The following DGKB variants were observed in gnomAD, a reference collection of about 807,000 sequenced individuals.
The protein encoded by DGKB is diacylglycerol kinase beta, also known as 90 kDa diacylglycerol kinase.
In DGKB, 67 loss-of-function variants were observed where a neutral mutation model predicts 114.3. The ratio of observed to expected loss-of-function variants is 0.59; its 90% CI spans 0.48 to 0.72. The LOEUF is 0.72. DGKB is among the 30% of genes least tolerant of loss of function. DGKB has a pLI of 0.00. For missense variants in DGKB, 907 were observed against 975.2 expected, an observed-to-expected ratio of 0.93 and a Z score of 0.93; for synonymous variants, 398 against 323.1, an observed-to-expected ratio of 1.23 and a Z score of -2.49.
At chr7:14,954,038 G>C (rs1562900693) in intron 1 of DGKB, among the ~76,000 whole-genome samples, 1 of 152,036 alleles carries the variant, frequency 6.6e-6, no homozygotes. Flanking sequence ...AGGTGATTTT[G>C]GTACCGGTCT....
chr7:14,883,175 T>C (rs1446529989), intron 1 of DGKB, among the ~76,000 whole-genome samples: 1 of 152,004 alleles, frequency 6.6e-6, no homozygotes, highest in Non-Finnish European at 1.5e-5. Context: ...TTTCTCCTCC[T>C]CCTTTGTTGT....
intron 1 of DGKB, among the ~76,000 whole-genome samples, chr7:14,943,987 A>T (rs765848406): frequency 3.9e-5 from 6 of 151,918 alleles, no homozygotes; most frequent in Non-Finnish European, 5.9e-5. Flanking sequence ...AAGTGTGTTC[A>T]TTACAGGCCA....
intron 21 of DGKB, among the ~76,000 whole-genome samples, chr7:14,454,597 T>C (rs1295781510): frequency 6.6e-6 from 1 of 152,114 alleles, no homozygotes; most frequent in East Asian, 1.9e-4. Context: ...AGAAATCATA[T>C]ATGATTGCTA....
intron 2 of DGKB, chr7:14,814,206 A>G (rs1021044193): frequency 6.6e-6 from 1 of 152,180 alleles, no homozygotes; most frequent in African/African-American, 2.4e-5. Context: ...GAGCTTCCAG[A>G]AAAAGTGTCT....
At chr7:14,628,153 A>G (rs1022434053) in intron 14 of DGKB, among the ~76,000 whole-genome samples, 1 of 152,056 alleles carries the variant, frequency 6.6e-6, no homozygotes, top group Non-Finnish European at 1.5e-5. Flanking sequence ...TTAGCCCTCA[A>G]TCTGTTTATG....
intron 23 of DGKB, among the ~76,000 whole-genome samples, chr7:14,213,946 A>G (rs920512439): frequency 4.6e-5 from 7 of 152,170 alleles, no homozygotes; most frequent in African/African-American, 1.7e-4. Context: ...CCTAGTTATT[A>G]GTATAGTGAG....
chr7:14,737,326 T>G (rs1322471926), intron 4 of DGKB, among the ~76,000 whole-genome samples: 9 of 141,526 alleles, frequency 6.4e-5, no homozygotes, highest in Non-Finnish European at 1.4e-4. Flanking sequence ...CAGTTTAATG[T>G]GCTGAGATGC....
intron 2 of DGKB, among the ~76,000 whole-genome samples, chr7:14,758,929 A>ATAGG (rs1408683442): frequency 7.8e-6 from 1 of 128,858 alleles, no homozygotes; most frequent in Non-Finnish European, 1.5e-5. Context: ...AGATAGATAG[A>ATAGG]TAGATACATA....
At chr7:14,714,768 T>C (rs1331352951) in intron 6 of DGKB, among the ~76,000 whole-genome samples, 1 of 152,152 alleles carries the variant, frequency 6.6e-6, no homozygotes, top group African/African-American at 2.4e-5. Flanking sequence ...CTCAGTATAG[T>C]ATAGGAGCAA....
intron 2 of DGKB, among the ~76,000 whole-genome samples, chr7:14,831,007 T>A (rs1846342446): frequency 6.6e-6 from 1 of 151,954 alleles, no homozygotes; most frequent in African/African-American, 2.4e-5. Context: ...ATTAAGACTA[T>A]TTTTCATGGC....
chr7:14,303,544 A>T (rs941597231), intron 23 of DGKB, among the ~76,000 whole-genome samples: 1 of 151,126 alleles, frequency 6.6e-6, no homozygotes, highest in East Asian at 1.9e-4. Context: ...TTCCCATTTA[A>T]TTTTTTTCTT....
intron 21 of DGKB, among the ~76,000 whole-genome samples, chr7:14,398,282 CTA>C (rs1333938712): frequency 6.6e-6 from 1 of 151,982 alleles, no homozygotes; most frequent in African/African-American, 2.4e-5. Context: ...AAATGGTCTT[CTA>C]TGTTTCCTTG....
intron 23 of DGKB, among the ~76,000 whole-genome samples, chr7:14,186,613 C>T (rs1783487145): frequency 6.6e-6 from 1 of 152,126 alleles, no homozygotes; most frequent in Non-Finnish European, 1.5e-5. Flanking sequence ...ATTGTGGAAC[C>T]AACCCAAATG....
At chr7:14,736,527 C>G (rs758909782) in intron 4 of DGKB, among the ~76,000 whole-genome samples, 2 of 152,128 alleles carry the variant, frequency 1.3e-5, no homozygotes. Context: ...AATCCCACCC[C>G]ACATAGTTGT....
intron 7 of DGKB, 58 bp downstream of exon 7, chr7:14,701,623 G>T: frequency 1.7e-6 from 2 of 1,204,316 alleles, no homozygotes; most frequent in Non-Finnish European, 2.5e-6. Flanking sequence ...TTTATTCATT[G>T]CATTCTTCAG....
At chr7:14,400,728 G>A (rs1025296814) in intron 21 of DGKB, among the ~76,000 whole-genome samples, 5 of 145,434 alleles carry the variant, frequency 3.4e-5, no homozygotes, top group South Asian at 4.4e-4. Context: ...CTGTCTAGAC[G>A]TATCATGTTT....
intron 1 of DGKB, among the ~76,000 whole-genome samples, chr7:14,845,743 G>T (rs1279404005): frequency 6.6e-6 from 1 of 151,810 alleles, no homozygotes; most frequent in Non-Finnish European, 1.5e-5. Context: ...AGAGAAAATA[G>T]TGCATAAAGG....
intron 23 of DGKB, among the ~76,000 whole-genome samples, chr7:14,326,833 C>T (rs1808825880): frequency 6.6e-6 from 1 of 151,996 alleles, no homozygotes; most frequent in Non-Finnish European, 1.5e-5. Flanking sequence ...GTTTTTATTC[C>T]AGGCTTCATT....
intron 1 of DGKB, among the ~76,000 whole-genome samples, 168 bp from the exon 2 acceptor site, chr7:14,841,618 C>A (rs1308756449): frequency 6.6e-6 from 1 of 152,112 alleles, no homozygotes; most frequent in African/African-American, 2.4e-5. Context: ...ATTTTTATGT[C>A]TAGTTTTACA....
Sources: gnomAD v4.1 joint callset for allele counts (sites outside exome capture counted in the v4.1 genomes callset) on GRCh38, gnomAD v4.1.1 for gene constraint, MANE v1.5 for transcripts, NCBI Gene and HGNC (gene_info 2026-07-23, HGNC 2026-07-21) for gene names.